The following TRAPPC9 variants were observed in gnomAD, a reference collection of about 807,000 sequenced individuals.
TRAPPC9 encodes IKK2 binding protein.
Under a neutral mutation model 124.0 loss-of-function variants are expected in TRAPPC9, and 83 were observed. That is an observed-to-expected ratio of 0.67 (90% CI 0.56 to 0.80). TRAPPC9 has a LOEUF of 0.80. TRAPPC9 is among the 30% of genes least tolerant of loss of function. The pLI is 0.00. For missense variants in TRAPPC9, 1,302 were observed against 1,508.3 expected (o/e 0.86, Z 2.27); for synonymous variants, 638 against 617.5 (o/e 1.03, Z -0.49).
In TRAPPC9 at chr8:140,401,570, G is replaced by T. The variant is rs113514949; in HGVS notation, c.1009-3825C>A. Among the ~76,000 whole-genome samples, 44 of 152,064 alleles carry T rather than the reference G, an allele frequency of 2.9e-4. No individual in the cohort carries two copies. The South Asian group carries it at 9.1e-3, about 32-fold the overall frequency. On this transcript the variant is annotated intron_variant, in intron 6 of 22. Coordinates refer to ENST00000438773, the MANE Select transcript of TRAPPC9 (RefSeq NM_001160372.4). ...TCACAAATTTTTCCCACATATTTTT[G>T]GTTAAATTTACATATTTTAATGTAT...
intron 17 of TRAPPC9, among the ~76,000 whole-genome samples, chr8:140,075,675 C>T (rs1214044351): frequency 6.6e-6 from 1 of 152,222 alleles, no homozygotes; most frequent in East Asian, 1.9e-4. Context: ...GCATCATCCC[C>T]CTTCTTTCCT....
In TRAPPC9 at chr8:140,358,498, C is replaced by T. The variant is rs116752190; in HGVS notation, c.1495+1552G>A. ...ATCGGATTACAGGAATGAGCTACCACATCCGGCCAGAATTAGTGCATTTAA... is the reference window on the plus strand; with the variant it reads ...ATCGGATTACAGGAATGAGCTACCATATCCGGCCAGAATTAGTGCATTTAA... On this transcript the variant is annotated intron_variant, in intron 9 of 22. Coordinates refer to ENST00000438773, the MANE Select transcript of TRAPPC9 (RefSeq NM_001160372.4). 3.3e-3 allele frequency among the ~76,000 whole-genome samples: 497 copies of T among 152,350 alleles called. 3 individuals carry two copies. The highest frequency in any genetic ancestry group is 0.011 in the African/African-American group (475 of 41,582).
At chr8:140,002,431 C>A (rs188309447) in intron 18 of TRAPPC9, among the ~76,000 whole-genome samples, 1 of 152,036 alleles carries the variant, frequency 6.6e-6, no homozygotes, top group East Asian at 1.9e-4. Flanking sequence ...AATCAAAATC[C>A]TAGAATGACA....
chr8:140,138,145 A>G (rs534783720), intron 17 of TRAPPC9, among the ~76,000 whole-genome samples: 100 of 152,302 alleles, frequency 6.6e-4, no homozygotes, highest in Non-Finnish European at 1.1e-3. Context: ...TGCTAAAAAT[A>G]CAAAAATTAG....
intron 16 of TRAPPC9, among the ~76,000 whole-genome samples, chr8:140,234,404 A>C (rs1441143377): frequency 6.6e-6 from 1 of 152,236 alleles, no homozygotes; most frequent in African/African-American, 2.4e-5. Context: ...AGTACTGCAC[A>C]GGCCATTCCC....
chr8:140,444,997 GT>G (rs1398196047), intron 2 of TRAPPC9, among the ~76,000 whole-genome samples: 1 of 152,026 alleles, frequency 6.6e-6, no homozygotes, highest in East Asian at 1.9e-4. Context: ...CACCTTCAGG[GT>G]TTTCAACACA....
chr8:139,932,782 T>A, intron 19 of TRAPPC9: 1 of 345,844 alleles, frequency 2.9e-6, no homozygotes, highest in Non-Finnish European at 5.7e-6. Flanking sequence ...AAAAGCACTG[T>A]CATGCAGGGC....
chr8:139,805,695 G>A (rs1019827556), intron 21 of TRAPPC9, among the ~76,000 whole-genome samples: 1 of 152,166 alleles, frequency 6.6e-6, no homozygotes, highest in Non-Finnish European at 1.5e-5. Context: ...AAAGGAGCCC[G>A]TAGCATGAGT....
intron 17 of TRAPPC9, among the ~76,000 whole-genome samples, chr8:140,074,012 G>A (rs189019310): frequency 2.0e-4 from 30 of 152,294 alleles, no homozygotes; most frequent in Admixed American, 1.9e-3. Context: ...GAGACGTGGA[G>A]AACCAGCCAA....
intron 17 of TRAPPC9, among the ~76,000 whole-genome samples, chr8:140,064,360 A>G (rs903425169): frequency 3.9e-5 from 6 of 152,164 alleles, no homozygotes; most frequent in African/African-American, 1.4e-4. Context: ...TCTAAGGGTA[A>G]AAAGGAAGCG....
intron 21 of TRAPPC9, among the ~76,000 whole-genome samples, chr8:139,863,359 G>T (rs1828299633): frequency 6.6e-6 from 1 of 152,210 alleles, no homozygotes; most frequent in African/African-American, 2.4e-5. Flanking sequence ...TGCAGCACAG[G>T]GAGGAGGCAC....
At chr8:139,842,596 C>CCGGGG (rs1826802878) in intron 21 of TRAPPC9, among the ~76,000 whole-genome samples, 1 of 149,242 alleles carries the variant, frequency 6.7e-6, no homozygotes, top group South Asian at 2.2e-4. Flanking sequence ...GCCTTCGTGC[C>CCGGGG]CGGGGCCATG....
intron 15 of TRAPPC9, among the ~76,000 whole-genome samples, chr8:140,253,371 A>G (rs913745695): frequency 4.6e-5 from 7 of 152,000 alleles, no homozygotes; most frequent in African/African-American, 1.7e-4. Flanking sequence ...TCTTCACAAA[A>G]AGAGAATAAA....
chr8:139,760,091 TTG>T (rs1820118127), intron 21 of TRAPPC9, among the ~76,000 whole-genome samples: 1 of 152,124 alleles, frequency 6.6e-6, no homozygotes, highest in South Asian at 2.1e-4. Context: ...GTGCTGTGTG[TTG>T]TGAGTGTGTG....
intron 10 of TRAPPC9, among the ~76,000 whole-genome samples, chr8:140,309,770 C>A (rs977572390): frequency 6.6e-6 from 1 of 152,256 alleles, no homozygotes; most frequent in African/African-American, 2.4e-5. Flanking sequence ...CCACAGCCTG[C>A]CTGAGTGCTG....
chr8:139,830,119 C>T (rs908433674), intron 21 of TRAPPC9, among the ~76,000 whole-genome samples: 3 of 152,238 alleles, frequency 2.0e-5, no homozygotes, highest in Non-Finnish European at 4.4e-5. Flanking sequence ...AGAAACAGGA[C>T]GATGGTCTGT....
rs374999568 is a variant in TRAPPC9, at chr8:139,988,709, G to A, written c.2810+17C>T. On this transcript the variant is annotated intron_variant, in intron 19 of 22. Coordinates refer to ENST00000438773, the MANE Select transcript of TRAPPC9 (RefSeq NM_001160372.4). ...GAGGGTGGCCTGCGGCGGCGCGAGG[G>A]TCTATGGGACACTTACCGCTGGCAC... The A allele has an allele frequency of 4.6e-6, 7 of 1,526,466 alleles. No individual in the cohort carries two copies. 94.6% of individuals were successfully genotyped at this position (1,526,466 alleles called of 1,614,324 possible). A position where few individuals can be genotyped will look rare whatever the true frequency, so the allele number is the denominator to read the frequency against.
At chr8:139,897,224 G>A (rs565574686) in intron 20 of TRAPPC9, among the ~76,000 whole-genome samples, 37 of 152,168 alleles carry the variant, frequency 2.4e-4, no homozygotes, top group African/African-American at 6.8e-4. Flanking sequence ...GAGTTACTTG[G>A]AGTCCATTAC....
chr8:140,431,293 C>T (rs2070635267), intron 4 of TRAPPC9, among the ~76,000 whole-genome samples: 1 of 151,878 alleles, frequency 6.6e-6, no homozygotes, highest in Non-Finnish European at 1.5e-5. Context: ...CCCGTCTCTA[C>T]TAAAAATATA....
Sources: allele counts gnomAD v4.1 joint callset (sites outside exome capture counted in the v4.1 genomes callset), GRCh38; gene constraint gnomAD v4.1.1; transcripts MANE v1.5; gene names NCBI Gene and HGNC (gene_info 2026-07-23, HGNC 2026-07-21).